Variants in MDGA2 observed in about 807,000 individuals in gnomAD.
MDGA2 encodes the protein MAM domain containing glycosylphosphatidylinositol anchor 2.
Under a neutral mutation model 117.8 loss-of-function variants are expected in MDGA2, and 40 were observed. The observed-to-expected ratio is 0.34, with a 90% CI of 0.26 to 0.44. The LOEUF is 0.44. MDGA2 is among the 20% of genes least tolerant of loss of function. The pLI is 1.00. For synonymous variants in MDGA2, 452 were observed against 439.0 expected, an observed-to-expected ratio of 1.03 and a Z score of -0.37; for missense variants, 1,123 against 1,250.6, an observed-to-expected ratio of 0.90 and a Z score of 1.54.
intron 1 of MDGA2, among the ~76,000 whole-genome samples, chr14:47,475,486 G>A (rs553608668): frequency 3.9e-5 from 6 of 152,106 alleles, no homozygotes; most frequent in Middle Eastern, 3.4e-3. Context: ...CTATATACCC[G>A]AAAGAATATA....
chr14:47,655,689 C>T (rs555151218), intron 1 of MDGA2, among the ~76,000 whole-genome samples: 1 of 152,170 alleles, frequency 6.6e-6, no homozygotes, highest in South Asian at 2.1e-4. Context: ...CTCACTTTCC[C>T]CATCAATAAG....
intron 14 of MDGA2, among the ~76,000 whole-genome samples, chr14:46,872,132 G>A (rs1882029305): frequency 1.3e-5 from 2 of 151,858 alleles, no homozygotes; most frequent in Non-Finnish European, 2.9e-5. Context: ...AACTTCTTGA[G>A]GTTCAGTTTT....
intron 1 of MDGA2, among the ~76,000 whole-genome samples, chr14:47,526,186 T>C (rs1398775689): frequency 1.3e-5 from 2 of 152,176 alleles, no homozygotes; most frequent in African/African-American, 2.4e-5. Context: ...TCCTGATAAC[T>C]CCAAAATCTA....
chr14:47,083,085 A>T (rs1890767500), intron 6 of MDGA2, among the ~76,000 whole-genome samples: 2 of 151,990 alleles, frequency 1.3e-5, no homozygotes. Flanking sequence ...AAATACGTAA[A>T]GCTCAGTGAA....
intron 1 of MDGA2, among the ~76,000 whole-genome samples, chr14:47,412,818 CAAGGTG>C (rs1258669224): frequency 6.6e-6 from 1 of 152,158 alleles, no homozygotes; most frequent in Non-Finnish European, 1.5e-5. Context: ...CATGCAATTT[CAAGGTG>C]AGAGTCTCAG....
At chr14:47,013,405 C>T (rs865997680) in intron 8 of MDGA2, among the ~76,000 whole-genome samples, 5 of 152,072 alleles carry the variant, frequency 3.3e-5, no homozygotes, top group Non-Finnish European at 5.9e-5. Flanking sequence ...GTCACATCCT[C>T]GGGCTCTATC....
At chr14:47,136,710 C>G (rs917286497) in intron 4 of MDGA2, among the ~76,000 whole-genome samples, 7 of 152,098 alleles carry the variant, frequency 4.6e-5, no homozygotes, top group Non-Finnish European at 8.8e-5. Flanking sequence ...ACTTCAAATT[C>G]TCTTCCCTAC....
At chr14:47,179,638 T>C (rs992585775) in intron 3 of MDGA2, among the ~76,000 whole-genome samples, 1 of 152,072 alleles carries the variant, frequency 6.6e-6, no homozygotes, top group South Asian at 2.1e-4. Flanking sequence ...TTTAATTATA[T>C]ACACATCACA....
At chr14:46,910,243 T>A (rs1250579025) in intron 10 of MDGA2, among the ~76,000 whole-genome samples, 1 of 152,154 alleles carries the variant, frequency 6.6e-6, no homozygotes, top group East Asian at 1.9e-4. Flanking sequence ...CTCCATTCAA[T>A]CATCAAATCC....
In MDGA2 at chr14:47,363,838, G is replaced by A. The variant is rs139535638; in HGVS notation, c.281-62288C>T. Among the ~76,000 whole-genome samples, 1,205 of 152,034 alleles carry A rather than the reference G, an allele frequency of 7.9e-3. 13 individuals are homozygous for A. The highest frequency in any genetic ancestry group is 0.027 in the African/African-American group (1,125 of 41,436). ...AAAGAGAAAGCCAAAATAGATGAGTGCAAAGAGTATTTCTAGATAGCATCT... is the reference window on the plus strand; with the variant it reads ...AAAGAGAAAGCCAAAATAGATGAGTACAAAGAGTATTTCTAGATAGCATCT... On this transcript the variant is annotated intron_variant, in intron 1 of 16. Transcript: ENST00000399232.
At chr14:47,018,151 T>C (rs977136542) in intron 8 of MDGA2, among the ~76,000 whole-genome samples, 1 of 152,206 alleles carries the variant, frequency 6.6e-6, no homozygotes, top group East Asian at 1.9e-4. Flanking sequence ...TTGACTTTTT[T>C]TTTCCCCCCG....
intron 10 of MDGA2, among the ~76,000 whole-genome samples, chr14:46,892,397 T>C (rs1882918126): frequency 6.6e-6 from 1 of 151,916 alleles, no homozygotes; most frequent in African/African-American, 2.4e-5. Flanking sequence ...CCTGAAGCTA[T>C]ACAATCCTAG....
chr14:47,279,806 GC>G (rs1420854202), intron 2 of MDGA2, among the ~76,000 whole-genome samples: 1 of 151,618 alleles, frequency 6.6e-6, no homozygotes, highest in African/African-American at 2.4e-5. Context: ...ATGATATGTT[GC>G]CCCCGCCATC....
At chr14:47,661,779 T>C (rs1253352276) in intron 1 of MDGA2, among the ~76,000 whole-genome samples, 1 of 135,072 alleles carries the variant, frequency 7.4e-6, no homozygotes, top group Non-Finnish European at 1.5e-5. Flanking sequence ...GAGACAGAGT[T>C]TCGCTCTTGT....
chr14:47,214,281 T>C (rs1886005464), intron 3 of MDGA2, among the ~76,000 whole-genome samples: 1 of 152,114 alleles, frequency 6.6e-6, no homozygotes, highest in Non-Finnish European at 1.5e-5. Flanking sequence ...TGATCAGAAA[T>C]ATTTGCATAA....
intron 1 of MDGA2, among the ~76,000 whole-genome samples, chr14:47,454,789 G>T (rs1893314737): frequency 6.6e-6 from 1 of 152,128 alleles, no homozygotes; most frequent in African/African-American, 2.4e-5. Context: ...TTTCTTTCAG[G>T]ATGTCTGCAG....
In MDGA2 at chr14:47,555,440, T is replaced by C. The variant is rs188736316; in HGVS notation, c.280+119077A>G. 2.0e-3 allele frequency among the ~76,000 whole-genome samples: 306 copies of C among 152,246 alleles called. 3 individuals carry two copies. Among genetic ancestry groups the C allele is most frequent in the African/African-American group, 6.9e-3 (288 of 41,550 alleles). Reference sequence around the variant, plus strand: ...AGTCTGGGAAAGACACAGCATTTTATTCTGACCAATATGTGTGCTGGGGAT... The same window carrying C: ...AGTCTGGGAAAGACACAGCATTTTACTCTGACCAATATGTGTGCTGGGGAT... On this transcript the variant is annotated intron_variant, in intron 1 of 16. Coordinates refer to ENST00000399232, the MANE Select transcript of MDGA2 (RefSeq NM_001113498.3).
chr14:46,971,035 AAAAAC>A (rs1189732017), intron 8 of MDGA2, among the ~76,000 whole-genome samples: 1 of 152,090 alleles, frequency 6.6e-6, no homozygotes, highest in Non-Finnish European at 1.5e-5. Context: ...TAAAAAGACA[AAAAAC>A]AAAACAAAAC....
intron 2 of MDGA2, among the ~76,000 whole-genome samples, chr14:47,268,105 T>C (rs1160199721): frequency 6.6e-6 from 1 of 151,882 alleles, no homozygotes; most frequent in Non-Finnish European, 1.5e-5. Context: ...AGAGTTTCGT[T>C]CTTGTTGCCC....
Sources: gnomAD v4.1 joint callset for allele counts (sites outside exome capture counted in the v4.1 genomes callset) on GRCh38, gnomAD v4.1.1 for gene constraint, MANE v1.5 for transcripts, NCBI Gene and HGNC (gene_info 2026-07-23, HGNC 2026-07-21) for gene names.